Variants in PLD5 observed in about 807,000 individuals in gnomAD.
PLD5 encodes phospholipase D family member 5, also known as inactive phospholipase D5.
In PLD5, 36 loss-of-function variants were observed where a neutral mutation model predicts 61.1. That is an observed-to-expected ratio of 0.59 (90% CI 0.45 to 0.78). PLD5 has a LOEUF of 0.78. PLD5 is among the 30% of genes least tolerant of loss of function. PLD5 has a pLI of 0.00. For missense variants in PLD5, 515 were observed against 644.4 expected (o/e 0.80, Z 2.17); for synonymous variants, 243 against 242.8 (o/e 1.00, Z -0.01).
intron 5 of PLD5, among the ~76,000 whole-genome samples, chr1:242,133,934 A>T (rs1450647248): frequency 6.6e-6 from 1 of 152,228 alleles, no homozygotes; most frequent in Non-Finnish European, 1.5e-5. Context: ...TTTTTAAGAC[A>T]GTTGAAAATT....
intron 1 of PLD5, among the ~76,000 whole-genome samples, chr1:242,440,456 ATAAT>A (rs1162314479): frequency 6.7e-6 from 1 of 150,012 alleles, no homozygotes; most frequent in Non-Finnish European, 1.5e-5. Context: ...TTGATGCAGA[ATAAT>A]TAAAGACTGA....
intron 1 of PLD5, among the ~76,000 whole-genome samples, chr1:242,369,667 T>G (rs2149244992): frequency 6.6e-6 from 1 of 152,338 alleles, no homozygotes; most frequent in Non-Finnish European, 1.5e-5. Flanking sequence ...TGGTTTGCTC[T>G]GCATTTTTCT....
intron 5 of PLD5, among the ~76,000 whole-genome samples, chr1:242,162,396 G>C (rs896029388): frequency 3.9e-5 from 6 of 152,102 alleles, no homozygotes. Context: ...AAAGCCACTA[G>C]GCAATGACTA....
At chr1:242,490,697 C>G (rs1165125621) in intron 1 of PLD5, among the ~76,000 whole-genome samples, 2 of 152,134 alleles carry the variant, frequency 1.3e-5, no homozygotes, top group African/African-American at 4.8e-5. Context: ...TTACAGAATT[C>G]CTCAATGTTC....
intron 1 of PLD5, among the ~76,000 whole-genome samples, chr1:242,502,488 T>C (rs1668585030): frequency 6.6e-6 from 1 of 152,114 alleles, no homozygotes; most frequent in African/African-American, 2.4e-5. Context: ...TTACCAAGAG[T>C]GCTAATTTTC....
At chr1:242,424,563 C>G (rs1427938859) in intron 1 of PLD5, among the ~76,000 whole-genome samples, 1 of 151,932 alleles carries the variant, frequency 6.6e-6, no homozygotes, top group Non-Finnish European at 1.5e-5. Flanking sequence ...AAAAAATCAG[C>G]GTGATTTTGT....
Position 242,135,739 on chromosome 1 carries a change from C to T in PLD5, c.736-11074G>A, listed in dbSNP as rs1185128568. 2.0e-5 allele frequency among the ~76,000 whole-genome samples: 3 copies of T among 152,150 alleles called. 1 individual carries two copies. Among genetic ancestry groups the T allele is most frequent in the African/African-American group, 7.2e-5 (3 of 41,450 alleles). On this transcript the variant is annotated intron_variant, in intron 5 of 9. Coordinates refer to ENST00000536534, the MANE Select transcript of PLD5 (RefSeq NM_001372062.1). The stretch of plus-strand genomic sequence containing the variant: ...CAGTTCATATTGTAACTTGGTCCTC[C>T]TTATCTCCATCATGACTTTGAGATC...
At chr1:242,523,960 A>T (rs1669359987) in intron 1 of PLD5, 128 bp downstream of exon 1, 2 of 1,034,558 alleles carry the variant, frequency 1.9e-6, no homozygotes, top group Admixed American at 2.9e-5. Context: ...AATCCGACCT[A>T]GGACGTCGGC....
At chr1:242,222,680 A>C (rs186699818) in intron 4 of PLD5, among the ~76,000 whole-genome samples, 26 of 152,266 alleles carry the variant, frequency 1.7e-4, no homozygotes, top group Admixed American at 1.2e-3. Flanking sequence ...AGTCAATCTG[A>C]AGAGTCCACT....
At chr1:242,184,929 C>G (rs1201157516) in intron 5 of PLD5, among the ~76,000 whole-genome samples, 1 of 152,174 alleles carries the variant, frequency 6.6e-6, no homozygotes, top group Non-Finnish European at 1.5e-5. Flanking sequence ...GAATGGACCA[C>G]CAGAACTTTC....
rs186136023 is a variant in PLD5, at chr1:242,119,350, T to C, written c.933+5118A>G. ...CCCATGGAATGAAAGAAATAAAATA[T>C]TGGAAAATCATATATTTAAACCAGA... On this transcript the variant is annotated intron_variant, in intron 6 of 9. Coordinates refer to ENST00000536534, the MANE Select transcript of PLD5 (RefSeq NM_001372062.1). Among the ~76,000 whole-genome samples the C allele has an allele frequency of 4.1e-3, 624 of 152,268 alleles. 2 individuals carry two copies. Among genetic ancestry groups the C allele is most frequent in the African/African-American group, 0.014 (576 of 41,566 alleles).
chr1:242,089,666 A>G lies in PLD5; in HGVS notation c.*188T>C. Reference sequence around the variant, plus strand: ...TCTCTGTCAGAGGTAACAAATACAAAAGTCTTAATTTTAGTGTACACGACG... The same window carrying G: ...TCTCTGTCAGAGGTAACAAATACAAGAGTCTTAATTTTAGTGTACACGACG... On this transcript the variant is annotated 3_prime_UTR_variant, in exon 10 of 10. Transcript: ENST00000536534. 1.5e-6 allele frequency: 1 copy of G among 684,278 alleles called. No individual in the cohort carries two copies. The highest frequency in any genetic ancestry group is 2.3e-6 in the Non-Finnish European group (1 of 426,674). 42.4% of individuals were successfully genotyped at this position (684,278 alleles called of 1,614,324 possible). A position where few individuals can be genotyped will look rare whatever the true frequency, so the allele number is the denominator to read the frequency against.
At chr1:242,414,178 A>AT (rs1335954071) in intron 1 of PLD5, among the ~76,000 whole-genome samples, 1 of 152,238 alleles carries the variant, frequency 6.6e-6, no homozygotes, top group Non-Finnish European at 1.5e-5. Flanking sequence ...TTATGTGCTG[A>AT]TTAAGTATGA....
intron 2 of PLD5, among the ~76,000 whole-genome samples, chr1:242,342,105 T>C (rs1440103036): frequency 6.6e-6 from 1 of 152,162 alleles, no homozygotes; most frequent in Non-Finnish European, 1.5e-5. Context: ...TTTGCAGAAA[T>C]TAATTTCCAT....
chr1:242,318,157 C>T (rs1445376025), intron 2 of PLD5, among the ~76,000 whole-genome samples: 1 of 152,164 alleles, frequency 6.6e-6, no homozygotes, highest in Non-Finnish European at 1.5e-5. Context: ...GACAAAATGA[C>T]GTGCCCTGGG....
intron 4 of PLD5, among the ~76,000 whole-genome samples, chr1:242,237,401 A>G (rs1468958769): frequency 6.6e-6 from 1 of 152,134 alleles, no homozygotes; most frequent in Non-Finnish European, 1.5e-5. Flanking sequence ...CTCAGCTCCA[A>G]ATCTGTCCTT....
chr1:242,126,984 T>C (rs1206551362), intron 5 of PLD5, among the ~76,000 whole-genome samples: 2 of 138,318 alleles, frequency 1.4e-5, no homozygotes, highest in Admixed American at 6.8e-5. Flanking sequence ...CATAAAAAAG[T>C]AGGCTAAGGA....
At chr1:242,359,538 G>C (rs987121068) in intron 1 of PLD5, among the ~76,000 whole-genome samples, 1 of 152,184 alleles carries the variant, frequency 6.6e-6, no homozygotes, top group African/African-American at 2.4e-5. Flanking sequence ...CTGTTGGAGG[G>C]AGTGAAGACT....
At chr1:242,500,919 C>T (rs899470333) in intron 1 of PLD5, among the ~76,000 whole-genome samples, 1 of 152,142 alleles carries the variant, frequency 6.6e-6, no homozygotes, top group African/African-American at 2.4e-5. Flanking sequence ...TTAGGGACAG[C>T]AACTAGAAGC....
Sources: gnomAD v4.1 joint callset for allele counts (sites outside exome capture counted in the v4.1 genomes callset) on GRCh38, gnomAD v4.1.1 for gene constraint, MANE v1.5 for transcripts, NCBI Gene and HGNC (gene_info 2026-07-23, HGNC 2026-07-21) for gene names.